Variants in TBCE observed in about 807,000 individuals in gnomAD.
TBCE encodes the protein tubulin folding cofactor E.
In TBCE, 53 loss-of-function variants were observed where a neutral mutation model predicts 77.0. The ratio of observed to expected loss-of-function variants is 0.69; its 90% CI spans 0.55 to 0.87. The LOEUF is 0.87. TBCE is among the 40% of genes least tolerant of loss of function. TBCE has a pLI of 0.00. For missense variants in TBCE, 624 were observed against 622.4 expected, an observed-to-expected ratio of 1.00 and a Z score of -0.03; for synonymous variants, 235 against 241.3, an observed-to-expected ratio of 0.97 and a Z score of 0.24.
Position 235,380,011 on chromosome 1 carries a change from C to A in TBCE, c.-31-8C>A. ...AAGTTCTTATCAGTGTTGTATTTTT[C>A]TTCCTAGATCTCATATTTTGGATTC... On this transcript the variant is annotated splice_region_variant and splice_polypyrimidine_tract_variant and intron_variant, in intron 1 of 16. Coordinates refer to ENST00000642610, the MANE Select transcript of TBCE (RefSeq NM_003193.5). The A allele has an allele frequency of 1.4e-6, 2 of 1,477,790 alleles. No homozygotes were observed. Among genetic ancestry groups the A allele is most frequent in the South Asian group, 1.1e-5 (1 of 88,244 alleles). The allele number at this position is 1,477,790 out of a possible 1,614,324, so 91.5% of individuals were successfully genotyped here.
rs573653190 is a variant in TBCE, at chr1:235,423,626, C to G, written c.461-3514C>G. On this transcript the variant is annotated intron_variant, in intron 5 of 16. Transcript: ENST00000642610. ...GGAGGAGGGGCAGAGGAGCAGTTTACAGAAGCCATCATGCAGGTGTGGGCC... is the reference window on the plus strand; with the variant it reads ...GGAGGAGGGGCAGAGGAGCAGTTTAGAGAAGCCATCATGCAGGTGTGGGCC... 1.2e-3 allele frequency: 181 copies of G among 154,020 alleles called. 1 individual carries two copies. The Middle Eastern group carries it at 0.013, about 11-fold the overall frequency. 9.5% of individuals were successfully genotyped at this position (154,020 alleles called of 1,614,324 possible).
chr1:235,424,885 C>T (rs1414314330), intron 5 of TBCE, among the ~76,000 whole-genome samples: 2 of 152,198 alleles, frequency 1.3e-5, no homozygotes, highest in African/African-American at 4.8e-5. Context: ...AGGTGATCCG[C>T]CCACTTTGGC....
chr1:235,404,764 C>A (rs528975986), intron 3 of TBCE, among the ~76,000 whole-genome samples: 1 of 150,960 alleles, frequency 6.6e-6, no homozygotes, highest in Non-Finnish European at 1.5e-5. Flanking sequence ...TGGGTTCCAA[C>A]GATTCTCTTG....
chr1:235,377,615 G>T (rs1013020586), intron 1 of TBCE, among the ~76,000 whole-genome samples: 4 of 151,582 alleles, frequency 2.6e-5, no homozygotes, highest in African/African-American at 9.7e-5. Flanking sequence ...CAGGTCTAAT[G>T]TAACAGACAA....
chr1:235,405,007 C>T (rs373515577), intron 3 of TBCE, among the ~76,000 whole-genome samples: 4 of 149,672 alleles, frequency 2.7e-5, no homozygotes, highest in East Asian at 2.0e-4. Flanking sequence ...CCGTCACCCA[C>T]GCTGGAGTGC....
intron 4 of TBCE, among the ~76,000 whole-genome samples, chr1:235,418,737 A>G (rs530887450): frequency 6.6e-6 from 1 of 152,356 alleles, no homozygotes; most frequent in South Asian, 2.1e-4. Context: ...AAATCTCACC[A>G]CTGAACAATA....
intron 3 of TBCE, 42 bp from the exon 4 acceptor site, chr1:235,414,391 G>T (rs186700100): frequency 6.2e-7 from 1 of 1,601,718 alleles, no homozygotes; most frequent in East Asian, 2.2e-5. Context: ...GCCTTTCTTG[G>T]TGGGTAATAT....
At chr1:235,447,714 C>T (rs1047375470) in intron 15 of TBCE, among the ~76,000 whole-genome samples, 1 of 152,140 alleles carries the variant, frequency 6.6e-6, no homozygotes, top group African/African-American at 2.4e-5. Context: ...GTTAATGACT[C>T]GCTCCCTTTA....
chr1:235,388,235 G>T (rs1257736258), intron 2 of TBCE, among the ~76,000 whole-genome samples: 1 of 150,884 alleles, frequency 6.6e-6, no homozygotes, highest in East Asian at 1.9e-4. Context: ...GCAGAGCTGG[G>T]ATTTGAATCT....
intron 14 of TBCE, among the ~76,000 whole-genome samples, chr1:235,442,613 AC>A (rs1255077504): frequency 6.6e-6 from 1 of 152,170 alleles, no homozygotes. Flanking sequence ...TGACTTGAAA[AC>A]CTAGCCAAGC....
chr1:235,417,211 A>C (rs1680158229), intron 4 of TBCE, among the ~76,000 whole-genome samples: 1 of 152,196 alleles, frequency 6.6e-6, no homozygotes, highest in South Asian at 2.1e-4. Flanking sequence ...GCTTGGACTG[A>C]GATCTGAGTC....
At chr1:235,428,806 A>G (rs1377245472) in intron 6 of TBCE, among the ~76,000 whole-genome samples, 1 of 148,814 alleles carries the variant, frequency 6.7e-6, no homozygotes, top group Non-Finnish European at 1.5e-5. Flanking sequence ...ACCACGCCCA[A>G]CTAATTTTTG....
intron 3 of TBCE, among the ~76,000 whole-genome samples, chr1:235,410,418 A>G (rs1353423692): frequency 6.6e-6 from 1 of 152,084 alleles, no homozygotes; most frequent in African/African-American, 2.4e-5. Context: ...TGACGTTGCC[A>G]TGGCATTTGT....
At chr1:235,379,089 C>T (rs759155578) in intron 1 of TBCE, among the ~76,000 whole-genome samples, 22 of 151,992 alleles carry the variant, frequency 1.4e-4, no homozygotes, top group Admixed American at 7.9e-4. Context: ...TTTCTTTCTC[C>T]GACTTCTTAG....
At chr1:235,404,960 CTTTTT>C (rs71174427) in intron 3 of TBCE, among the ~76,000 whole-genome samples, 3 of 126,012 alleles carry the variant, frequency 2.4e-5, no homozygotes, top group African/African-American at 3.0e-5. Context: ...ATGCCCGGTA[CTTTTT>C]TTTTTTTTTT....
At position 235,436,734 on chromosome 1, in the gene TBCE, A is replaced by C. The variant is rs55962679; in HGVS notation, c.963+126A>C. 20,443 of 945,314 alleles carry C rather than the reference A, an allele frequency of 0.022. 498 individuals carry two copies. The highest frequency in any genetic ancestry group is 0.11 in the African/African-American group (6,485 of 61,556). 58.6% of individuals were successfully genotyped at this position (945,314 alleles called of 1,614,324 possible). Reference sequence around the variant, plus strand: ...AATCGAAAGAGAAATACCTCCTCAGAGTGAAACTCCTCATAAGAAGCCAAA... The same window carrying C: ...AATCGAAAGAGAAATACCTCCTCAGCGTGAAACTCCTCATAAGAAGCCAAA... On this transcript the variant is annotated intron_variant, in intron 11 of 16. Coordinates refer to ENST00000642610, the MANE Select transcript of TBCE (RefSeq NM_003193.5).
intron 1 of TBCE, among the ~76,000 whole-genome samples, chr1:235,372,922 TAAAAAAAAA>T (rs71174418): frequency 1.0e-4 from 8 of 76,204 alleles, no homozygotes; most frequent in South Asian, 8.0e-4. Context: ...AGACTCCGTC[TAAAAAAAAA>T]AAAAAAAAAA....
chr1:235,404,149 C>A (rs1465044230), intron 3 of TBCE, among the ~76,000 whole-genome samples: 2 of 151,898 alleles, frequency 1.3e-5, no homozygotes, highest in African/African-American at 4.8e-5. Flanking sequence ...TGGTGGCGGG[C>A]GCCTGTAGTC....
At chr1:235,398,287 AG>A (rs981456428) in intron 2 of TBCE, among the ~76,000 whole-genome samples, 19 of 151,626 alleles carry the variant, frequency 1.3e-4, no homozygotes, top group African/African-American at 3.4e-4. Flanking sequence ...CTGGGATTAC[AG>A]GCACCCGCCA....
Sources: allele counts gnomAD v4.1 joint callset (sites outside exome capture counted in the v4.1 genomes callset), GRCh38; gene constraint gnomAD v4.1.1; transcripts MANE v1.5; gene names NCBI Gene and HGNC (gene_info 2026-07-23, HGNC 2026-07-21).